The following ANO4 variants were observed in gnomAD, a reference collection of about 807,000 sequenced individuals.
ANO4 encodes the protein anoctamin-4.
A neutral mutation model predicts 141.9 loss-of-function variants in ANO4; 69 were observed. The observed-to-expected ratio is 0.49, with a 90% CI of 0.40 to 0.59. The LOEUF (loss-of-function observed/expected upper bound fraction) is 0.59, where lower values mean the gene tolerates loss of function less well. ANO4 is among the 20% of genes least tolerant of loss of function. The probability of loss-of-function intolerance (pLI) is 0.00; values close to 1 mark genes in which losing one functional copy is unlikely to be tolerated. For synonymous variants in ANO4, 350 were observed against 394.3 expected, an observed-to-expected ratio of 0.89 and a Z score of 1.33; for missense variants, 894 against 1,162.2, an observed-to-expected ratio of 0.77 and a Z score of 3.36.
chr12:101,099,730 T>C lies in ANO4; in HGVS notation c.2149+10T>C. On this transcript the variant is annotated intron_variant, in intron 22 of 27. Transcript: ENST00000392977. ...GAATACTTAGAAATGAGTATGGAAA[T>C]ATTCTACTTTATCTTATTAATTATA... 1 of 1,542,238 alleles carries C rather than the reference T, an allele frequency of 6.5e-7. No homozygotes were observed. The highest frequency in any genetic ancestry group is 8.7e-7 in the Non-Finnish European group (1 of 1,152,458).
At chr12:100,825,102 T>C (rs1381326105) in intron 1 of ANO4, among the ~76,000 whole-genome samples, 2 of 152,094 alleles carry the variant, frequency 1.3e-5, no homozygotes, top group Non-Finnish European at 2.9e-5. Context: ...ACTTCACTGG[T>C]ATCAATTAGT....
At chr12:100,962,280 C>G (rs1313927428) in intron 5 of ANO4, among the ~76,000 whole-genome samples, 1 of 152,164 alleles carries the variant, frequency 6.6e-6, no homozygotes, top group Non-Finnish European at 1.5e-5. Context: ...AGGAAGCATT[C>G]CTTCTCAATG....
intron 26 of ANO4, among the ~76,000 whole-genome samples, chr12:101,126,524 ATAAAT>A (rs1280497342): frequency 6.6e-6 from 1 of 152,216 alleles, no homozygotes; most frequent in African/African-American, 2.4e-5. Context: ...TGAGGCTCAG[ATAAAT>A]TAAATAATTC....
intron 8 of ANO4, among the ~76,000 whole-genome samples, chr12:101,003,770 G>C (rs141691384): frequency 1.4e-3 from 217 of 152,168 alleles, no homozygotes; most frequent in African/African-American, 5.0e-3. Context: ...AAAATATCTA[G>C]AAGAGAAGTT....
chr12:100,973,666 G>A (rs1490010701), intron 6 of ANO4, among the ~76,000 whole-genome samples: 1 of 152,086 alleles, frequency 6.6e-6, no homozygotes, highest in East Asian at 1.9e-4. Flanking sequence ...TTGCATTAGC[G>A]TGATATATTT....
intron 3 of ANO4, among the ~76,000 whole-genome samples, chr12:100,749,703 G>A (rs1391440116): frequency 6.6e-6 from 1 of 152,158 alleles, no homozygotes; most frequent in Non-Finnish European, 1.5e-5. Context: ...TTGAATTAAA[G>A]CTGTGTTGAA....
At chr12:101,034,441 G>A (rs2047112423) in intron 9 of ANO4, among the ~76,000 whole-genome samples, 1 of 152,120 alleles carries the variant, frequency 6.6e-6, no homozygotes, top group Non-Finnish European at 1.5e-5. Context: ...TGAACAATGA[G>A]AACCTATGGA....
chr12:101,036,488 CAT>C (rs2047202888), intron 9 of ANO4, among the ~76,000 whole-genome samples: 1 of 152,068 alleles, frequency 6.6e-6, no homozygotes, highest in Admixed American at 6.6e-5. Flanking sequence ...AATTGTGGTA[CAT>C]ATATACAATG....
At chr12:100,754,813 G>A (rs1205378172) in intron 3 of ANO4, among the ~76,000 whole-genome samples, 1 of 152,102 alleles carries the variant, frequency 6.6e-6, no homozygotes, top group African/African-American at 2.4e-5. Context: ...AATAAGCCAG[G>A]CACAAAATAC....
chr12:100,791,405 G>C (rs1205310622), upstream of ANO4, among the ~76,000 whole-genome samples: 1 of 152,110 alleles, frequency 6.6e-6, no homozygotes, highest in Admixed American at 6.5e-5. Flanking sequence ...GCGAGACTCT[G>C]TCTCCAAAAA....
intron 1 of ANO4, among the ~76,000 whole-genome samples, chr12:100,884,798 G>T (rs1021719169): frequency 3.3e-5 from 5 of 152,148 alleles, no homozygotes; most frequent in Admixed American, 3.3e-4. Flanking sequence ...GCATTCAAGC[G>T]ATTCTCCCGC....
At chr12:100,815,332 A>G (rs2135717602) in intron 1 of ANO4, among the ~76,000 whole-genome samples, 1 of 152,252 alleles carries the variant, frequency 6.6e-6, no homozygotes. Context: ...GTAATGATAT[A>G]ATCATTGACT....
At position 101,037,104 on chromosome 12, in the gene ANO4, G is replaced by T; in HGVS notation, c.851G>T (p.Arg284Leu). The change falls in exon 10 of 28, where the codon CGT (arginine) becomes CTT (leucine). Residue 284 changes from arginine to leucine, a missense_variant. Arg to Leu is a moderately radical substitution (Grantham distance 102). Transcript: ENST00000392977. ...TTATTTGCTGTTTTAGGTCTGAATC[G>T]TTTGCTTACCAATGGCTCCTATGAA... ...EEGKNKIGLN[R>L]LLTNGSYEAA... 6.2e-7 allele frequency: 1 copy of T among 1,613,864 alleles called. No individual in the cohort carries two copies. The highest frequency in any genetic ancestry group is 1.1e-5 in the South Asian group (1 of 91,052).
chr12:100,871,374 G>GTT (rs1195278397), intron 1 of ANO4, among the ~76,000 whole-genome samples: 2 of 152,230 alleles, frequency 1.3e-5, no homozygotes, highest in Admixed American at 6.5e-5. Context: ...CAAACTTGTT[G>GTT]GCACCCTGCA....
At chr12:100,889,914 A>G (rs2040021534) in intron 1 of ANO4, among the ~76,000 whole-genome samples, 1 of 152,162 alleles carries the variant, frequency 6.6e-6, no homozygotes, top group Admixed American at 6.5e-5. Flanking sequence ...GAATAAATGA[A>G]TTTTTCATAT....
At chr12:100,730,056 T>G (rs1196670126) in intron 1 of ANO4, among the ~76,000 whole-genome samples, 1 of 152,314 alleles carries the variant, frequency 6.6e-6, no homozygotes, top group East Asian at 1.9e-4. Flanking sequence ...TCTCTCTGAT[T>G]GTATACATTT....
At chr12:100,764,870 T>C (rs2033013100) in intron 3 of ANO4, among the ~76,000 whole-genome samples, 1 of 152,190 alleles carries the variant, frequency 6.6e-6, no homozygotes, top group South Asian at 2.1e-4. Flanking sequence ...TGTGCTGATA[T>C]TTTGTTGAGA....
intron 14 of ANO4, among the ~76,000 whole-genome samples, chr12:101,078,287 T>C (rs1205835664): frequency 6.6e-6 from 1 of 152,114 alleles, no homozygotes. Context: ...ATGTCTGTTA[T>C]ATCCTTATAG....
At chr12:100,944,498 C>T (rs2042639672) in intron 5 of ANO4, among the ~76,000 whole-genome samples, 1 of 152,074 alleles carries the variant, frequency 6.6e-6, no homozygotes. Flanking sequence ...CCCCCCTCCC[C>T]ACTTTCCCCC....
Sources: gnomAD v4.1 joint callset for allele counts (sites outside exome capture counted in the v4.1 genomes callset) on GRCh38, gnomAD v4.1.1 for gene constraint, MANE v1.5 for transcripts, NCBI Gene and HGNC (gene_info 2026-07-23, HGNC 2026-07-21) for gene names.